The following SSH2 variants were observed in gnomAD, a reference collection of about 807,000 sequenced individuals.
SSH2 encodes the protein protein phosphatase Slingshot homolog 2.
SSH2 carries 37 observed loss-of-function variants against 135.2 expected under a neutral mutation model. The ratio of observed to expected loss-of-function variants is 0.27; its 90% CI spans 0.21 to 0.36. The LOEUF is 0.36. Ranked by LOEUF, SSH2 falls within the 10% of genes least tolerant of loss-of-function variation. The pLI, the probability that SSH2 is intolerant of heterozygous loss-of-function variation, is 1.00. For synonymous variants in SSH2, 628 were observed against 646.2 expected, an observed-to-expected ratio of 0.97 and a Z score of 0.43; for missense variants, 1,408 against 1,765.3, an observed-to-expected ratio of 0.80 and a Z score of 3.63.
At chr17:29,832,427 T>C (rs930124059) in intron 2 of SSH2, among the ~76,000 whole-genome samples, 1 of 151,912 alleles carries the variant, frequency 6.6e-6, no homozygotes, top group Non-Finnish European at 1.5e-5. Flanking sequence ...CCTGGCCCTG[T>C]TTTTCCTTTA....
At chr17:29,790,268 C>T (rs1425850959) in intron 3 of SSH2, among the ~76,000 whole-genome samples, 1 of 152,108 alleles carries the variant, frequency 6.6e-6, no homozygotes, top group East Asian at 1.9e-4. Context: ...GTGAGCCCCC[C>T]ATGACGTGTC....
Position 29,838,087 on chromosome 17 carries a change from C to G in SSH2, c.144+10762G>C, listed in dbSNP as rs117495586. Among the ~76,000 whole-genome samples the G allele has an allele frequency of 2.4e-3, 371 of 152,388 alleles. 2 individuals carry two copies. The highest frequency in any genetic ancestry group is 6.8e-3 in the Middle Eastern group (2 of 294). On this transcript the variant is annotated intron_variant, in intron 2 of 15. Transcript: ENST00000540801. The stretch of plus-strand genomic sequence containing the variant: ...CCCAGGAAGGTCCCTCCTTCCCCAG[C>G]AGGCTTGGAAGTGCCTACTCTCACT...
chr17:29,882,697 A>G (rs2066161238), intron 1 of SSH2, among the ~76,000 whole-genome samples: 1 of 152,190 alleles, frequency 6.6e-6, no homozygotes, highest in Non-Finnish European at 1.5e-5. Flanking sequence ...GGTTGCAGTG[A>G]GCTGAGATCG....
At chr17:29,873,598 T>C (rs2065976475) in intron 1 of SSH2, among the ~76,000 whole-genome samples, 1 of 150,626 alleles carries the variant, frequency 6.6e-6, no homozygotes, top group Admixed American at 6.6e-5. Flanking sequence ...GGAACAAACA[T>C]ATGGAGACAA....
chr17:29,696,620 TATACAC>T (rs1333683231), intron 4 of SSH2, among the ~76,000 whole-genome samples: 74 of 136,032 alleles, frequency 5.4e-4, no homozygotes, highest in Middle Eastern at 4.2e-3. Context: ...TACATATATA[TATACAC>T]ACACACACAC....
At chr17:29,647,905 C>T (rs1264319078) in intron 14 of SSH2, 8 of 440,888 alleles carry the variant, frequency 1.8e-5, no homozygotes, top group Non-Finnish European at 3.3e-5. Flanking sequence ...TCAAATGATC[C>T]GCTTGCCTCA....
intron 3 of SSH2, chr17:29,761,154 G>T (rs1207721136): frequency 7.8e-7 from 1 of 1,289,352 alleles, no homozygotes; most frequent in Non-Finnish European, 1.0e-6. Context: ...ACTCACAGCT[G>T]GTTGATGGCG....
At chr17:29,804,851 T>G (rs1479844283) in intron 2 of SSH2, among the ~76,000 whole-genome samples, 1 of 148,602 alleles carries the variant, frequency 6.7e-6, no homozygotes, top group Non-Finnish European at 1.5e-5. Context: ...GGCTTTTTTT[T>G]TTTTTTTTTT....
chr17:29,678,015 A>G (rs1264186887), intron 6 of SSH2, among the ~76,000 whole-genome samples: 1 of 152,164 alleles, frequency 6.6e-6, no homozygotes, highest in African/African-American at 2.4e-5. Flanking sequence ...GCCACTATCT[A>G]AAAAATGCAG....
At chr17:29,662,990 C>A (rs1247814814) in intron 11 of SSH2, among the ~76,000 whole-genome samples, 4 of 152,204 alleles carry the variant, frequency 2.6e-5, no homozygotes, top group Admixed American at 2.6e-4. Flanking sequence ...AATCGGACAG[C>A]CTCCAGGAGA....
intron 3 of SSH2, among the ~76,000 whole-genome samples, chr17:29,743,904 T>C (rs1471198390): frequency 3.0e-5 from 4 of 134,106 alleles, no homozygotes; most frequent in Non-Finnish European, 4.6e-5. Context: ...TTTTTCTTTT[T>C]TCCTTTTTTT....
At chr17:29,658,867 CAAAAA>C (rs541052752) in intron 11 of SSH2, among the ~76,000 whole-genome samples, 3 of 33,410 alleles carry the variant, frequency 9.0e-5, no homozygotes, top group Admixed American at 3.1e-4. Context: ...AACTCCGTCT[CAAAAA>C]AAAAAAAAAA....
intron 14 of SSH2, chr17:29,640,565 C>T (rs576525992): frequency 6.6e-6 from 1 of 151,922 alleles, no homozygotes; most frequent in South Asian, 2.1e-4. Context: ...TGGGCCAGGG[C>T]TCTGGAATTA....
At chr17:29,781,472 T>G (rs573652450) in intron 3 of SSH2, among the ~76,000 whole-genome samples, 1 of 143,280 alleles carries the variant, frequency 7.0e-6, no homozygotes, top group South Asian at 2.2e-4. Flanking sequence ...TCCTGTGTTT[T>G]CTTTTTTTTT....
chr17:29,898,798 G>C (rs2066492244), intron 1 of SSH2, among the ~76,000 whole-genome samples: 1 of 152,162 alleles, frequency 6.6e-6, no homozygotes, highest in Non-Finnish European at 1.5e-5. Flanking sequence ...GCATCATCCT[G>C]ATACCAAAGC....
intron 1 of SSH2, among the ~76,000 whole-genome samples, chr17:29,922,125 G>A (rs886279622): frequency 6.6e-6 from 1 of 152,086 alleles, no homozygotes; most frequent in Non-Finnish European, 1.5e-5. Context: ...AGGGAAAAGT[G>A]TTCCAGGTAA....
At chr17:29,763,962 T>C (rs1300686141) in intron 3 of SSH2, among the ~76,000 whole-genome samples, 42 of 140,102 alleles carry the variant, frequency 3.0e-4, no homozygotes, top group African/African-American at 5.5e-4. Context: ...TTTTTTTTTT[T>C]CCCTGAGACA....
At chr17:29,856,233 G>C in intron 1 of SSH2, 1 of 314,514 alleles carries the variant, frequency 3.2e-6, no homozygotes, top group Non-Finnish European at 6.1e-6. Flanking sequence ...CAACTGCTTT[G>C]ATTTAGCAAT....
chr17:29,916,436 T>C (rs1172279027), intron 1 of SSH2, among the ~76,000 whole-genome samples: 1 of 152,030 alleles, frequency 6.6e-6, no homozygotes, highest in African/African-American at 2.4e-5. Flanking sequence ...GTACTGCCAC[T>C]GCATCATGTT....
Sources: allele counts gnomAD v4.1 joint callset (sites outside exome capture counted in the v4.1 genomes callset), GRCh38; gene constraint gnomAD v4.1.1; transcripts MANE v1.5; gene names NCBI Gene and HGNC (gene_info 2026-07-23, HGNC 2026-07-21).